The following CTNNA2 variants were observed in gnomAD, a reference collection of about 807,000 sequenced individuals.
The protein encoded by CTNNA2 is catenin alpha-2.
Under a neutral mutation model 101.0 loss-of-function variants are expected in CTNNA2, and 42 were observed. The observed-to-expected ratio is 0.42, with a 90% CI of 0.32 to 0.54. The LOEUF (loss-of-function observed/expected upper bound fraction) is 0.54. Ranked by LOEUF, CTNNA2 falls within the 20% of genes least tolerant of loss-of-function variation. The pLI, the probability that CTNNA2 is intolerant of heterozygous loss-of-function variation, is 0.14. For missense variants in CTNNA2, 871 were observed against 1,223.1 expected (o/e 0.71, Z 4.29); for synonymous variants, 450 against 456.4 (o/e 0.99, Z 0.18).
chr2:79,936,513 T>C (rs998157339), intron 7 of CTNNA2, among the ~76,000 whole-genome samples: 4 of 150,682 alleles, frequency 2.7e-5, no homozygotes, highest in African/African-American at 7.3e-5. Flanking sequence ...AGTGCCACCA[T>C]CTAGTGGCTG....
intron 7 of CTNNA2, among the ~76,000 whole-genome samples, chr2:80,307,083 A>G (rs1043142069): frequency 4.7e-5 from 7 of 149,430 alleles, no homozygotes; most frequent in Admixed American, 2.7e-4. Context: ...TATTTTCTAT[A>G]TATTGCTTTT....
intron 7 of CTNNA2, among the ~76,000 whole-genome samples, chr2:80,105,404 A>G (rs1437211550): frequency 6.6e-6 from 1 of 152,234 alleles, no homozygotes; most frequent in Non-Finnish European, 1.5e-5. Context: ...TTTATCAGGT[A>G]CATAAAGCTT....
At chr2:80,284,049 A>G (rs1674577359) in intron 7 of CTNNA2, among the ~76,000 whole-genome samples, 1 of 152,174 alleles carries the variant, frequency 6.6e-6, no homozygotes, top group Admixed American at 6.6e-5. Flanking sequence ...TCCAAGTGGA[A>G]GAGATTCTGC....
intron 3 of CTNNA2, among the ~76,000 whole-genome samples, chr2:79,802,670 GA>G (rs1164005609): frequency 1.3e-5 from 2 of 152,074 alleles, no homozygotes; most frequent in African/African-American, 4.8e-5. Flanking sequence ...ATATTAGTGG[GA>G]AAAAAAGACT....
In CTNNA2 at chr2:80,244,161, A is replaced by G. The variant is rs1421585815; in HGVS notation, c.1057-149050A>G. ...CTTTTGCAGTATAGTGTTTGTCAGA[A>G]CCGTGGTGTAATAAATTAATGTGGA... On this transcript the variant is annotated intron_variant, in intron 7 of 18. Transcript: ENST00000402739. Among the ~76,000 whole-genome samples, 4 of 152,218 alleles carry G rather than the reference A, an allele frequency of 2.6e-5. No homozygotes were observed. The East Asian group carries it at 7.7e-4, about 29-fold the overall frequency.
chr2:80,113,827 A>G (rs1164300353), intron 7 of CTNNA2, among the ~76,000 whole-genome samples: 4 of 152,254 alleles, frequency 2.6e-5, no homozygotes, highest in African/African-American at 9.6e-5. Flanking sequence ...AAAATATGAT[A>G]AAAACATTCA....
intron 8 of CTNNA2, among the ~76,000 whole-genome samples, chr2:80,416,241 A>G (rs560345580): frequency 1.3e-5 from 2 of 152,302 alleles, no homozygotes; most frequent in Admixed American, 6.5e-5. Flanking sequence ...TAGCTATATG[A>G]GGTAATGTAT....
chr2:80,338,507 G>A (rs925677469), intron 7 of CTNNA2, among the ~76,000 whole-genome samples: 1 of 152,100 alleles, frequency 6.6e-6, no homozygotes, highest in African/African-American at 2.4e-5. Flanking sequence ...CAAGTTGTTG[G>A]CTATGGGAGC....
intron 2 of CTNNA2, among the ~76,000 whole-genome samples, chr2:79,244,442 T>C (rs897596973): frequency 2.0e-5 from 3 of 152,192 alleles, no homozygotes; most frequent in Non-Finnish European, 4.4e-5. Flanking sequence ...TTTTATTATG[T>C]TTTCTGGCTC....
intron 15 of CTNNA2, among the ~76,000 whole-genome samples, chr2:80,594,649 G>A (rs113650293): frequency 0.039 from 5,916 of 151,780 alleles, 392 homozygotes; most frequent in African/African-American, 0.13. Context: ...TTATGGTTAG[G>A]TCTTTCATCC....
chr2:80,133,740 C>T (rs561851227), intron 7 of CTNNA2, among the ~76,000 whole-genome samples: 2 of 152,130 alleles, frequency 1.3e-5, no homozygotes, highest in African/African-American at 2.4e-5. Flanking sequence ...CTTTAAACTA[C>T]GGGTTGTTTT....
intron 4 of CTNNA2, among the ~76,000 whole-genome samples, chr2:79,394,124 CT>C (rs1487103290): frequency 6.6e-6 from 1 of 152,104 alleles, no homozygotes; most frequent in Non-Finnish European, 1.5e-5. Context: ...GAGAAAGAGG[CT>C]TTTACGTGCA....
intron 1 of CTNNA2, among the ~76,000 whole-genome samples, chr2:79,637,871 C>G (rs1054311844): frequency 6.6e-6 from 1 of 152,248 alleles, no homozygotes; most frequent in Non-Finnish European, 1.5e-5. Flanking sequence ...AGCTTTAGTT[C>G]TCTTATGGGT....
intron 6 of CTNNA2, among the ~76,000 whole-genome samples, chr2:79,899,546 G>C (rs753312387): frequency 1.3e-5 from 2 of 152,170 alleles, no homozygotes; most frequent in South Asian, 4.1e-4. Context: ...TCTCAAAAAC[G>C]AAGCTAATGT....
At chr2:80,097,591 C>T (rs376907170) in intron 7 of CTNNA2, among the ~76,000 whole-genome samples, 227 of 152,214 alleles carry the variant, frequency 1.5e-3, no homozygotes, top group East Asian at 0.015. Context: ...GATAATATCC[C>T]GCAGAGTGTT....
intron 3 of CTNNA2, among the ~76,000 whole-genome samples, chr2:79,373,493 A>G (rs1261307960): frequency 6.6e-6 from 1 of 152,198 alleles, no homozygotes. Context: ...TAGCACTGAA[A>G]TTGATGCCAT....
intron 7 of CTNNA2, among the ~76,000 whole-genome samples, chr2:80,094,966 T>C (rs1196074354): frequency 1.3e-5 from 2 of 152,172 alleles, no homozygotes; most frequent in African/African-American, 4.8e-5. Context: ...CCATTTGACT[T>C]CCTCTTTTCC....
At chr2:79,611,323 C>G (rs1217010514) in intron 1 of CTNNA2, among the ~76,000 whole-genome samples, 114 of 152,098 alleles carry the variant, frequency 7.5e-4, no homozygotes, top group Non-Finnish European at 5.9e-5. Context: ...AACTTCCATA[C>G]TTTTCTGTTT....
At chr2:79,846,858 G>C (rs537505366) in intron 3 of CTNNA2, among the ~76,000 whole-genome samples, 14 of 152,320 alleles carry the variant, frequency 9.2e-5, no homozygotes, top group African/African-American at 3.4e-4. Context: ...ACTTGTGACT[G>C]TTTTAATTGT....
Sources: gnomAD v4.1 joint callset for allele counts (sites outside exome capture counted in the v4.1 genomes callset) on GRCh38, gnomAD v4.1.1 for gene constraint, MANE v1.5 for transcripts, NCBI Gene and HGNC (gene_info 2026-07-23, HGNC 2026-07-21) for gene names.